Variants in GPC5 observed in about 807,000 individuals in gnomAD.
The protein encoded by GPC5 is glypican 5.
In GPC5, 47 loss-of-function variants were observed where a neutral mutation model predicts 53.9. That is an observed-to-expected ratio of 0.87 (90% CI 0.69 to 1.11). The LOEUF (loss-of-function observed/expected upper bound fraction) is 1.11. Ranked by LOEUF, GPC5 falls within the 50% of genes most tolerant of loss-of-function variation. GPC5 has a pLI of 0.00. For synonymous variants in GPC5, 286 were observed against 263.3 expected (o/e 1.09, Z -0.84); for missense variants, 748 against 713.1 (o/e 1.05, Z -0.56).
rs563759554 is a variant in GPC5 at position 91,430,629 on chromosome 13, C to T, written c.164-18132C>T. 4.6e-5 allele frequency among the ~76,000 whole-genome samples: 7 copies of T among 152,162 alleles called. No individual in the cohort carries two copies. In the East Asian group the frequency reaches 5.8e-4, roughly 13 times the overall value. On this transcript the variant is annotated intron_variant, in intron 1 of 7. Transcript: ENST00000377067. Reference sequence around the variant, plus strand: ...GAAGCAAAATCTGTGGGTGGAGAGGCGGAGAGGAAGAAGCCTTCTGTAAAA... The same window carrying T: ...GAAGCAAAATCTGTGGGTGGAGAGGTGGAGAGGAAGAAGCCTTCTGTAAAA...
At chr13:92,853,235 G>A (rs1042543398) in intron 7 of GPC5, among the ~76,000 whole-genome samples, 3 of 152,232 alleles carry the variant, frequency 2.0e-5, no homozygotes, top group African/African-American at 7.2e-5. Context: ...TCATTTACCT[G>A]TGATCAACCC....
At chr13:91,965,768 G>A (rs1451573851) in intron 6 of GPC5, among the ~76,000 whole-genome samples, 1 of 152,140 alleles carries the variant, frequency 6.6e-6, no homozygotes, top group African/African-American at 2.4e-5. Flanking sequence ...CAGTACATCC[G>A]TGCTTGAGCT....
At chr13:91,602,335 C>T (rs1276593369) in intron 2 of GPC5, among the ~76,000 whole-genome samples, 5 of 152,182 alleles carry the variant, frequency 3.3e-5, no homozygotes, top group Non-Finnish European at 7.3e-5. Flanking sequence ...AGTTGACTTG[C>T]ATGTATTCAT....
intron 6 of GPC5, among the ~76,000 whole-genome samples, chr13:92,125,916 GTTTTTTGGTTTTTTTTTTTTTTT>G (rs1566446317): frequency 5.4e-4 from 17 of 31,288 alleles, no homozygotes; most frequent in East Asian, 0.013. Context: ...GGAAACATTT[GTTTTTTGGTTTTTTTTTTTTTTT>G]TTTTTTTTTT....
At chr13:91,582,758 A>G (rs1276539926) in intron 2 of GPC5, among the ~76,000 whole-genome samples, 3 of 152,152 alleles carry the variant, frequency 2.0e-5, no homozygotes, top group Non-Finnish European at 4.4e-5. Flanking sequence ...CACGCCTGTA[A>G]TCCCAGCACC....
chr13:91,693,481 T>C lies in GPC5; in HGVS notation c.620T>C (p.Ile207Thr), dbSNP rs751563084. The change falls in exon 3 of 8, where the codon ATT (isoleucine) becomes ACT (threonine). Residue 207 changes from isoleucine to threonine, a missense_variant. Transcript: ENST00000377067. ...CGGGATGTGAGTCCATTTGGTAATA[T>C]TCCCCAAAGAGTAATGGGACAGATG... Reference protein sequence around the residue: ...ARRDVSPFGNIPQRVMGQMGR... With the variant: ...ARRDVSPFGNTPQRVMGQMGR... 4.3e-5 allele frequency: 69 copies of C among 1,614,004 alleles called. No homozygotes were observed. The highest frequency in any genetic ancestry group is 5.8e-5 in the Non-Finnish European group (69 of 1,180,020).
At chr13:91,706,785 A>G (rs762665014) in intron 3 of GPC5, among the ~76,000 whole-genome samples, 18 of 152,152 alleles carry the variant, frequency 1.2e-4, no homozygotes, top group Non-Finnish European at 2.2e-4. Context: ...AGGATGAATA[A>G]AGGGCAAAAA....
In GPC5 at chr13:92,384,019, T is replaced by G. The variant is rs192658881; in HGVS notation, c.1561+239030T>G. 2.4e-4 allele frequency among the ~76,000 whole-genome samples: 36 copies of G among 152,284 alleles called. No individual in the cohort carries two copies. In the East Asian group the frequency reaches 6.4e-3, roughly 27 times the overall value. On this transcript the variant is annotated intron_variant, in intron 7 of 7. Coordinates refer to ENST00000377067, the MANE Select transcript of GPC5 (RefSeq NM_004466.6). ...CATTTGTTCAGCAGTTTCTCCAGTT[T>G]GAAAGTTAAAAAATACAGGATTTAG... is the stretch of plus-strand genomic sequence containing the variant.
chr13:92,759,195 A>AT (rs113778146), intron 7 of GPC5, among the ~76,000 whole-genome samples: 11,946 of 143,750 alleles, frequency 0.083, 771 homozygotes, highest in African/African-American at 0.18. Flanking sequence ...TAATACCTCC[A>AT]TTTTTTTTTT....
At chr13:92,863,069 G>T (rs145333117) in intron 7 of GPC5, among the ~76,000 whole-genome samples, 10 of 152,206 alleles carry the variant, frequency 6.6e-5, no homozygotes, top group African/African-American at 2.4e-4. Flanking sequence ...ATACCCCAAA[G>T]TAGCACCTAC....
At chr13:92,610,958 C>T (rs1328730202) in intron 7 of GPC5, among the ~76,000 whole-genome samples, 3 of 134,116 alleles carry the variant, frequency 2.2e-5, no homozygotes, top group East Asian at 4.7e-4. Context: ...CCATATCAAT[C>T]TCAATACATA....
intron 2 of GPC5, among the ~76,000 whole-genome samples, chr13:91,461,762 A>C (rs534212): frequency 0.76 from 114,860 of 151,884 alleles, 46,453 homozygotes; most frequent in Non-Finnish European, 0.91. Flanking sequence ...GGCAAATGGT[A>C]TGAAGCCAAT....
intron 5 of GPC5, among the ~76,000 whole-genome samples, chr13:91,849,427 A>G (rs2038889042): frequency 6.6e-6 from 1 of 152,172 alleles, no homozygotes; most frequent in Admixed American, 6.5e-5. Flanking sequence ...TAATAGCTCT[A>G]TGAACATTTA....
chr13:91,962,176 A>C (rs765252589), intron 6 of GPC5, among the ~76,000 whole-genome samples: 34 of 152,088 alleles, frequency 2.2e-4, no homozygotes, highest in Non-Finnish European at 4.9e-4. Flanking sequence ...TCTATGGAGT[A>C]GTGGGGGTTG....
chr13:92,284,477 A>G (rs1313308856), intron 7 of GPC5, among the ~76,000 whole-genome samples: 2 of 152,222 alleles, frequency 1.3e-5, no homozygotes, highest in Non-Finnish European at 2.9e-5. Flanking sequence ...ATGAACATCA[A>G]TGCAAAAATC....
Position 91,420,955 on chromosome 13 carries a change from G to A in GPC5, c.163+21746G>A, listed in dbSNP as rs1199014759. On this transcript the variant is annotated intron_variant, in intron 1 of 7. Transcript: ENST00000377067. ...AGTATCTTTACAGCAGTGTGAAAAT[G>A]GACTAACACACTCCCCCTCAAAATA... is the stretch of plus-strand genomic sequence containing the variant. Among the ~76,000 whole-genome samples the A allele has an allele frequency of 3.3e-5, 5 of 152,094 alleles. No individual in the cohort carries two copies. In the South Asian group the frequency reaches 1.0e-3, roughly 31 times the overall value.
At chr13:92,044,103 C>T (rs1277451842) in intron 6 of GPC5, among the ~76,000 whole-genome samples, 2 of 152,162 alleles carry the variant, frequency 1.3e-5, no homozygotes, top group Non-Finnish European at 2.9e-5. Flanking sequence ...CTCCCCAGGT[C>T]CTGGCGTTAT....
rs372166974 is a variant in GPC5, at chr13:92,779,448, C to T, written c.1562-86834C>T. 3.3e-5 allele frequency among the ~76,000 whole-genome samples: 5 copies of T among 150,192 alleles called. No homozygotes were observed. In the South Asian group the frequency reaches 6.3e-4, roughly 19 times the overall value. ...CAATTTCAAATTTCAGTACTACCTG[C>T]GAAAAAAAAAATGTGACTCTACATG... On this transcript the variant is annotated intron_variant, in intron 7 of 7. Coordinates refer to ENST00000377067, the MANE Select transcript of GPC5 (RefSeq NM_004466.6).
At chr13:91,501,742 A>G (rs1409147727) in intron 2 of GPC5, among the ~76,000 whole-genome samples, 1 of 152,246 alleles carries the variant, frequency 6.6e-6, no homozygotes, top group East Asian at 1.9e-4. Flanking sequence ...ATGATTTATA[A>G]TCCTTTGGGT....
Sources: allele counts gnomAD v4.1 joint callset (sites outside exome capture counted in the v4.1 genomes callset), GRCh38; gene constraint gnomAD v4.1.1; transcripts MANE v1.5; gene names NCBI Gene and HGNC (gene_info 2026-07-23, HGNC 2026-07-21).